Variants in ECE1 observed in about 807,000 individuals in gnomAD.
ECE1 encodes endothelin-converting enzyme 1.
A neutral mutation model predicts 98.6 loss-of-function variants in ECE1; 35 were observed. The ratio of observed to expected loss-of-function variants is 0.35; its 90% CI spans 0.27 to 0.47. The LOEUF (loss-of-function observed/expected upper bound fraction) is 0.47. Ranked by LOEUF, ECE1 falls within the 20% of genes least tolerant of loss-of-function variation. ECE1 has a pLI of 1.00. For synonymous variants in ECE1, 394 were observed against 407.1 expected (o/e 0.97, Z 0.39); for missense variants, 814 against 1,025.3 (o/e 0.79, Z 2.81).
intron 2 of ECE1, among the ~76,000 whole-genome samples, chr1:21,285,646 C>T (rs1032658662): frequency 2.0e-5 from 3 of 148,686 alleles, no homozygotes; most frequent in East Asian, 2.0e-4. Context: ...GCCATGATCA[C>T]GCCACTGCAC....
chr1:21,299,927 T>C (rs1360885099), intron 1 of ECE1, among the ~76,000 whole-genome samples: 2 of 152,218 alleles, frequency 1.3e-5, no homozygotes, highest in Non-Finnish European at 2.9e-5. Flanking sequence ...TTTAAAAAAC[T>C]AAACACAGCA....
At chr1:21,300,592 AC>A (rs1638462130) in intron 1 of ECE1, among the ~76,000 whole-genome samples, 2 of 152,058 alleles carry the variant, frequency 1.3e-5, no homozygotes, top group Middle Eastern at 3.4e-3. Context: ...GTTCCACCAC[AC>A]CCGGCTAATT....
intron 1 of ECE1, among the ~76,000 whole-genome samples, chr1:21,323,192 AT>A (rs1459054667): frequency 2.0e-5 from 3 of 152,202 alleles, no homozygotes; most frequent in African/African-American, 7.2e-5. Context: ...AAGCTCAAAT[AT>A]AAAAATTAAG....
chr1:21,316,135 C>T (rs1638828244), intron 1 of ECE1, among the ~76,000 whole-genome samples: 1 of 152,208 alleles, frequency 6.6e-6, no homozygotes. Flanking sequence ...GTGCTGTTTA[C>T]AGCAGCAAAT....
At position 21,220,251 on chromosome 1, in the gene ECE1, T is replaced by C; in HGVS notation, c.2137-120A>G. The C allele has an allele frequency of 8.6e-7, 1 of 1,165,132 alleles. No individual in the cohort carries two copies. Among genetic ancestry groups the C allele is most frequent in the Non-Finnish European group, 1.2e-6 (1 of 844,496 alleles). The allele number at this position is 1,165,132 out of a possible 1,614,324, so 72.2% of individuals were successfully genotyped here. A position where few individuals can be genotyped will look rare whatever the true frequency, so the allele number is the denominator to read the frequency against. On this transcript the variant is annotated intron_variant, in intron 18 of 18. Transcript: ENST00000374893. This position sits in a 1 kb window ranked among gnomAD's most constrained non-coding sequence, Gnocchi z 5.0. ...TGGCTCACACCTGTAATCCCAGCAC[T>C]TTGGGAGCCAAGGTGGAAGGGCTGC...
At chr1:21,295,381 A>G (rs137879327), upstream of ECE1, among the ~76,000 whole-genome samples, 319 of 152,374 alleles carry the variant, frequency 2.1e-3, 4 homozygotes, top group Admixed American at 0.018. Flanking sequence ...AAGTAACACA[A>G]CTTTGGGCAA....
At chr1:21,274,935 G>C (rs886837015) in intron 3 of ECE1, among the ~76,000 whole-genome samples, 6 of 152,198 alleles carry the variant, frequency 3.9e-5, no homozygotes, top group Admixed American at 1.3e-4. Context: ...CTTAATCACA[G>C]TTGCATGCTC....
chr1:21,242,599 C>T (rs1381190527), intron 10 of ECE1, among the ~76,000 whole-genome samples: 2 of 152,136 alleles, frequency 1.3e-5, no homozygotes, highest in Non-Finnish European at 2.9e-5. Context: ...CAGCAGCCTT[C>T]ACCCATCAGC....
At position 21,225,767 on chromosome 1, in the gene ECE1, C is replaced by T. The variant is rs558275417; in HGVS notation, c.1850-327G>A. On this transcript the variant is annotated intron_variant, in intron 16 of 18. Transcript: ENST00000374893. This position sits in a 1 kb window ranked among gnomAD's most constrained non-coding sequence, Gnocchi z 5.3. ...AGTGCAGTGGCGCAATCTCAGCTCA[C>T]TGCAACCTTTGCCTCCTGGGTTCAA... is the stretch of plus-strand genomic sequence containing the variant. Among the ~76,000 whole-genome samples, 4 of 151,086 alleles carry T rather than the reference C, an allele frequency of 2.6e-5. No homozygotes were observed. The highest frequency in any genetic ancestry group is 2.6e-4 in the Admixed American group (4 of 15,188).
At chr1:21,248,113 T>C (rs2098206456) in intron 8 of ECE1, among the ~76,000 whole-genome samples, 1 of 151,986 alleles carries the variant, frequency 6.6e-6, no homozygotes, top group African/African-American at 2.4e-5. Context: ...ACATTAACTT[T>C]CAGCAAGAAA....
intron 4 of ECE1, among the ~76,000 whole-genome samples, chr1:21,262,358 G>T (rs1194439948): frequency 2.0e-5 from 3 of 152,206 alleles, no homozygotes; most frequent in Non-Finnish European, 4.4e-5. Context: ...TGGGGAAGCT[G>T]GGATACAGAA....
rs1214648100 is a variant in ECE1 at position 21,279,690 on chromosome 1, C to A, written c.139-358G>T. The A allele has an allele frequency of 2.2e-6, 3 of 1,384,932 alleles. No individual in the cohort carries two copies. The East Asian group carries it at 8.1e-5, about 37-fold the overall frequency. The allele number at this position is 1,384,932 out of a possible 1,614,324, so 85.8% of individuals were successfully genotyped here. A position where few individuals can be genotyped will look rare whatever the true frequency, so the allele number is the denominator to read the frequency against. On this transcript the variant is annotated intron_variant, in intron 2 of 18. Transcript: ENST00000374893. The stretch of plus-strand genomic sequence containing the variant: ...TGGACTTGCAGGCATCCAGTGAGTA[C>A]CCAGCTGGGCTCTCTGCAGAGCCCC...
intron 1 of ECE1, among the ~76,000 whole-genome samples, chr1:21,333,302 G>A (rs1206157400): frequency 1.4e-5 from 2 of 141,774 alleles, no homozygotes; most frequent in Non-Finnish European, 3.1e-5. Flanking sequence ...TGGGCTGAAG[G>A]CAGACAGCAC....
rs377542130 is a variant in ECE1 at position 21,276,683 on chromosome 1, TC to T, written c.280+2507del. On this transcript the variant is annotated intron_variant, in intron 3 of 18. Coordinates refer to ENST00000374893, the MANE Select transcript of ECE1 (RefSeq NM_001397.3). ...GCCTTCAGAATCATCAGATTTGCTT[TC>T]TTTTTTTTTTTTTTTTTTTGAGACG... Among the ~76,000 whole-genome samples the T allele has an allele frequency of 3.3e-3, 467 of 141,910 alleles. 2 individuals carry two copies. The highest frequency in any genetic ancestry group is 0.011 in the African/African-American group (438 of 39,198). The allele number at this position is 141,910 out of a possible 152,430, so 93.1% of individuals were successfully genotyped here. A position where few individuals can be genotyped will look rare whatever the true frequency, so the allele number is the denominator to read the frequency against.
chr1:21,263,662 CT>C (rs11296960), intron 4 of ECE1, among the ~76,000 whole-genome samples: 94,718 of 150,114 alleles, frequency 0.63, 31,224 homozygotes, highest in East Asian at 0.9. Flanking sequence ...CCAAGATTCC[CT>C]TTTTTTTTTT....
chr1:21,335,479 G>C (rs577769644), intron 1 of ECE1, among the ~76,000 whole-genome samples: 3 of 152,256 alleles, frequency 2.0e-5, no homozygotes, highest in African/African-American at 7.2e-5. Flanking sequence ...AGATGAGGAC[G>C]CTGCAGCCCT....
intron 10 of ECE1, among the ~76,000 whole-genome samples, chr1:21,241,109 C>T (rs1357569411): frequency 6.6e-6 from 1 of 152,142 alleles, no homozygotes; most frequent in Non-Finnish European, 1.5e-5. Flanking sequence ...GGAGTGAGAG[C>T]GGGCCCTACT....
chr1:21,257,191 G>A (rs1425495149), intron 7 of ECE1, among the ~76,000 whole-genome samples: 1 of 152,220 alleles, frequency 6.6e-6, no homozygotes, highest in Non-Finnish European at 1.5e-5. Flanking sequence ...TGACAGATGA[G>A]GCAAATGAAG....
chr1:21,290,117 G>A lies in ECE1; in HGVS notation c.91C>T (p.Leu31=). 1 of 1,558,472 alleles carries A rather than the reference G, an allele frequency of 6.4e-7. No individual in the cohort carries two copies. Residue 31 remains leucine, a synonymous_variant, in exon 2 of 19, where the codon CTG becomes TTG. Coordinates refer to ENST00000374893, the MANE Select transcript of ECE1 (RefSeq NM_001397.3). This position sits in a 1 kb window ranked among gnomAD's most constrained non-coding sequence, Gnocchi z 7.3. ...TCGCCCTCGGAGAGCGAGTCCACCA[G>A]GTCCTCCTCGTCCAGCGTGGCCCGC... is the stretch of plus-strand genomic sequence containing the variant. ...YKRATLDEED[L]VDSLSEGDAY... is the part of the protein sequence containing the mutation.
Sources: gnomAD v4.1 joint callset for allele counts (sites outside exome capture counted in the v4.1 genomes callset) on GRCh38, gnomAD v4.1.1 for gene constraint, Gnocchi (gnomAD v3.1) non-coding constraint, MANE v1.5 for transcripts, NCBI Gene and HGNC (gene_info 2026-07-23, HGNC 2026-07-21) for gene names.